BAZ2B: variants seen among roughly 807,000 people sequenced by gnomAD.
The protein encoded by BAZ2B is bromodomain adjacent to zinc finger domain protein 2B.
In BAZ2B, 91 loss-of-function variants were observed where a neutral mutation model predicts 246.0. The observed-to-expected ratio is 0.37, with a 90% CI of 0.31 to 0.44. The LOEUF (loss-of-function observed/expected upper bound fraction) is 0.44, where lower values mean the gene tolerates loss of function less well. BAZ2B is among the 20% of genes least tolerant of loss of function. The pLI is 1.00. For synonymous variants in BAZ2B, 855 were observed against 860.0 expected, an observed-to-expected ratio of 0.99 and a Z score of 0.10; for missense variants, 2,332 against 2,533.7, an observed-to-expected ratio of 0.92 and a Z score of 1.71.
chr2:159,683,023 C>T, the BAZ2B span, among the ~76,000 whole-genome samples: 67 of 150,568 alleles, frequency 4.4e-4, no homozygotes, highest in South Asian at 3.8e-3. Context: ...TGTAAGAATT[C>T]GGAGTGCATT....
intron 2 of BAZ2B, among the ~76,000 whole-genome samples, chr2:159,507,620 AAAAC>A (rs1392138102): frequency 6.6e-6 from 1 of 152,194 alleles, no homozygotes; most frequent in Non-Finnish European, 1.5e-5. Context: ...TCAATGCACT[AAAAC>A]ATTAGGAATC....
At chr2:159,574,805 A>C (rs570225060) in intron 1 of BAZ2B, among the ~76,000 whole-genome samples, 5 of 152,006 alleles carry the variant, frequency 3.3e-5, no homozygotes, top group Admixed American at 1.3e-4. Context: ...CCCCATCTCT[A>C]TTAAAAATAC....
At chr2:159,697,447 T>C in the BAZ2B span, among the ~76,000 whole-genome samples, 1 of 152,324 alleles carries the variant, frequency 6.6e-6, no homozygotes, top group East Asian at 1.9e-4. Context: ...AAAAAAACAC[T>C]GTTCACTAAA....
In BAZ2B at chr2:159,405,006, C is replaced by A; in HGVS notation, c.2770+16G>T. 6.2e-7 allele frequency: 1 copy of A among 1,613,566 alleles called. No homozygotes were observed. Among genetic ancestry groups the A allele is most frequent in the East Asian group, 2.2e-5 (1 of 44,854 alleles). ...GTACTGACTCTTCGAGTTTATGTTA[C>A]ATTTAAATCACTCACCTTGTTGTTT... On this transcript the variant is annotated intron_variant, in intron 15 of 36. Transcript: ENST00000392783.
intron 33 of BAZ2B, among the ~76,000 whole-genome samples, chr2:159,334,480 G>A (rs969174777): frequency 1.3e-5 from 2 of 152,046 alleles, no homozygotes; most frequent in African/African-American, 2.4e-5. Context: ...TAAAGATATC[G>A]AGCACTTTAA....
At chr2:159,595,877 C>T (rs1690577587) in intron 1 of BAZ2B, among the ~76,000 whole-genome samples, 1 of 152,230 alleles carries the variant, frequency 6.6e-6, no homozygotes. Context: ...ATTTCTGTAC[C>T]TCACTTATGT....
intron 3 of BAZ2B, among the ~76,000 whole-genome samples, chr2:159,455,133 G>C (rs796243781): frequency 3.3e-5 from 5 of 152,034 alleles, no homozygotes; most frequent in African/African-American, 1.2e-4. Context: ...TATTATATCA[G>C]TCCTGACTGT....
chr2:159,386,442 T>A lies in BAZ2B; in HGVS notation c.3382A>T (p.Ile1128Leu). The change falls in exon 22 of 37, where the codon ATA becomes TTA. Residue 1128 changes from isoleucine to leucine, a missense_variant. By Grantham distance (5) the Ile-to-Leu change is conservative (BLOSUM62 2). This residue lies in a region of BAZ2B where 328 missense variants were observed against 410.4 expected (regional missense o/e 0.80). Coordinates refer to ENST00000392783, the MANE Select transcript of BAZ2B (RefSeq NM_013450.4). ...TGTACTTCACCCATGCTGTCCCCTA[T>A]ATTTAGCAATCCCTCTTGAAGAACA... ...LSVLQEGLLN[I>L]GDSMGEVQDL... 6.2e-7 allele frequency: 1 copy of A among 1,613,696 alleles called. No homozygotes were observed.
the BAZ2B span, among the ~76,000 whole-genome samples, chr2:159,630,593 G>A: frequency 6.6e-6 from 1 of 151,502 alleles, no homozygotes; most frequent in Non-Finnish European, 1.5e-5. Context: ...GAGTGCAGTG[G>A]CGCAATCTCG....
chr2:159,377,854 ACACATCTCCTTT>A (rs2061584430), intron 25 of BAZ2B, among the ~76,000 whole-genome samples: 1 of 151,418 alleles, frequency 6.6e-6, no homozygotes, highest in East Asian at 1.9e-4. Context: ...ACCTTAAATG[ACACATCTCCTTT>A]AAAACTTTAA....
intron 5 of BAZ2B, 99 bp from the exon 6 acceptor site, chr2:159,447,074 T>C (rs1047416155): frequency 1.2e-5 from 10 of 818,382 alleles, no homozygotes; most frequent in Non-Finnish European, 1.6e-5. Flanking sequence ...CTTGAAAATA[T>C]GATAAGTGAA....
chr2:159,427,064 A>G (rs2070058424), intron 13 of BAZ2B, among the ~76,000 whole-genome samples: 1 of 152,156 alleles, frequency 6.6e-6, no homozygotes, highest in Non-Finnish European at 1.5e-5. Flanking sequence ...ATGAGACAAG[A>G]AGTGTAATTA....
chr2:159,489,481 G>A (rs1006775495), intron 2 of BAZ2B, among the ~76,000 whole-genome samples: 4 of 152,192 alleles, frequency 2.6e-5, no homozygotes, highest in African/African-American at 9.7e-5. Flanking sequence ...GAAAAATGGT[G>A]TAGAGTTGAA....
At chr2:159,703,246 C>G in the BAZ2B span, among the ~76,000 whole-genome samples, 1 of 85,306 alleles carries the variant, frequency 1.2e-5, no homozygotes, top group African/African-American at 2.9e-5. Context: ...TGCCACCACA[C>G]CCAGCTAATT....
intron 1 of BAZ2B, among the ~76,000 whole-genome samples, chr2:159,566,256 C>A (rs1312286344): frequency 6.6e-6 from 1 of 152,106 alleles, no homozygotes; most frequent in Admixed American, 6.5e-5. Context: ...GGTTATCCAC[C>A]CGCCTCAGCC....
At chr2:159,453,999 TA>T (rs2075411505) in intron 3 of BAZ2B, among the ~76,000 whole-genome samples, 198 bp from the exon 4 acceptor site, 1 of 152,140 alleles carries the variant, frequency 6.6e-6, no homozygotes, top group African/African-American at 2.4e-5. Flanking sequence ...ATCATTAAAA[TA>T]AATGGCATAA....
At chr2:159,499,562 T>A (rs2081495834) in intron 2 of BAZ2B, among the ~76,000 whole-genome samples, 2 of 152,208 alleles carry the variant, frequency 1.3e-5, no homozygotes, top group African/African-American at 4.8e-5. Context: ...CTGGGTCAAA[T>A]GGTATTTCAG....
chr2:159,530,368 T>C (rs1473110199), intron 2 of BAZ2B, among the ~76,000 whole-genome samples: 1 of 152,236 alleles, frequency 6.6e-6, no homozygotes, highest in African/African-American at 2.4e-5. Flanking sequence ...AATACTCTCA[T>C]AGTGACATAT....
At chr2:159,645,478 A>T in the BAZ2B span, among the ~76,000 whole-genome samples, 1 of 151,914 alleles carries the variant, frequency 6.6e-6, no homozygotes, top group East Asian at 1.9e-4. Flanking sequence ...TCTCATAAGG[A>T]GTGTGCAACC....
Sources: gnomAD v4.1 joint callset for allele counts (sites outside exome capture counted in the v4.1 genomes callset) on GRCh38, gnomAD v4.1.1 for gene constraint, gnomAD v4.1.1 regional missense constraint, MANE v1.5 for transcripts, NCBI Gene and HGNC (gene_info 2026-07-23, HGNC 2026-07-21) for gene names.